Variants in DAB2IP observed in about 807,000 individuals in gnomAD.
DAB2IP encodes DAB2 interacting protein.
Under a neutral mutation model 107.2 loss-of-function variants are expected in DAB2IP, and 28 were observed. The observed-to-expected ratio is 0.26, with a 90% CI of 0.19 to 0.36. The LOEUF is 0.36. Among genes scored for constraint, DAB2IP ranks in the 10% least tolerant of loss-of-function variants. DAB2IP has a pLI of 1.00. For missense variants in DAB2IP, 1,400 were observed against 1,644.7 expected (o/e 0.85, Z 2.57); for synonymous variants, 755 against 706.4 (o/e 1.07, Z -1.09).
intron 3 of DAB2IP, among the ~76,000 whole-genome samples, chr9:121,730,685 GA>G (rs1265430433): frequency 1.3e-5 from 2 of 152,240 alleles, no homozygotes; most frequent in Non-Finnish European, 2.9e-5. Context: ...AAGGCTTAGA[GA>G]AATGAAGTGC....
intron 2 of DAB2IP, among the ~76,000 whole-genome samples, chr9:121,689,708 C>A (rs944689881): frequency 6.6e-6 from 1 of 152,204 alleles, no homozygotes; most frequent in South Asian, 2.1e-4. Flanking sequence ...TGTGGCCCAG[C>A]GCAAACCTGA....
In DAB2IP at chr9:121,662,760, TTG is replaced by T. The variant is rs1833261219; in HGVS notation, c.124+10867_124+10868del. Among the ~76,000 whole-genome samples, 1 of 152,190 alleles carries T rather than the reference TTG, an allele frequency of 6.6e-6. No individual in the cohort carries two copies. Among genetic ancestry groups the T allele is most frequent in the African/African-American group, 2.4e-5 (1 of 41,448 alleles). Reference sequence around the variant, plus strand: ...ATGCTTCCAAGTGTGTCGAATTGCATTGTGTGTTTAAAAATGGATATGGTGAA... The same window carrying T: ...ATGCTTCCAAGTGTGTCGAATTGCATTGTGTTTAAAAATGGATATGGTGAA... On this transcript the variant is annotated intron_variant, in intron 1 of 15. Transcript: ENST00000408936. This position sits in a 1 kb window ranked among gnomAD's most constrained non-coding sequence, Gnocchi z 4.6.
intron 1 of DAB2IP, among the ~76,000 whole-genome samples, chr9:121,607,771 G>A (rs1258377688): frequency 6.6e-6 from 1 of 152,234 alleles, no homozygotes; most frequent in Admixed American, 6.5e-5. Context: ...TAAGAGGGGA[G>A]GGGAGGGAAT....
chr9:121,672,211 G>A (rs756793794), intron 1 of DAB2IP, among the ~76,000 whole-genome samples: 4 of 152,074 alleles, frequency 2.6e-5, no homozygotes, highest in African/African-American at 7.2e-5. Flanking sequence ...GCATTTTCCC[G>A]ATCACTGCCG....
At chr9:121,764,075 T>C (rs926349893) in intron 8 of DAB2IP, among the ~76,000 whole-genome samples, 196 bp downstream of exon 8, 1 of 152,240 alleles carries the variant, frequency 6.6e-6, no homozygotes, top group Admixed American at 6.5e-5. Flanking sequence ...GGAAAGAACC[T>C]GGACACGCCA....
At chr9:121,610,608 T>TA (rs890630057) in intron 1 of DAB2IP, among the ~76,000 whole-genome samples, 3 of 152,034 alleles carry the variant, frequency 2.0e-5, no homozygotes, top group Non-Finnish European at 2.9e-5. Context: ...TGTGGAAGTG[T>TA]AAGTATGGAG....
At chr9:121,645,760 TACCTCGG>T (rs1199853075) in intron 1 of DAB2IP, among the ~76,000 whole-genome samples, 1 of 152,208 alleles carries the variant, frequency 6.6e-6, no homozygotes, top group Non-Finnish European at 1.5e-5. Flanking sequence ...AGGTTCCTTC[TACCTCGG>T]ACATTCCGGG....
intron 3 of DAB2IP, among the ~76,000 whole-genome samples, chr9:121,733,188 T>C (rs1319017023): frequency 6.6e-6 from 1 of 152,232 alleles, no homozygotes; most frequent in Non-Finnish European, 1.5e-5. Flanking sequence ...TCTCTGGCCC[T>C]GTACCTGTTT....
chr9:121,722,453 C>G (rs543025246), intron 3 of DAB2IP, among the ~76,000 whole-genome samples: 4 of 152,286 alleles, frequency 2.6e-5, no homozygotes, highest in East Asian at 1.9e-4. Context: ...TGCCACTCCC[C>G]CCATGATCCA....
At chr9:121,665,701 A>G (rs1332216076) in intron 1 of DAB2IP, among the ~76,000 whole-genome samples, 2 of 152,232 alleles carry the variant, frequency 1.3e-5, no homozygotes, top group Non-Finnish European at 2.9e-5. Context: ...TCTATCGCAT[A>G]TGTCTTTTGA....
intron 5 of DAB2IP, 129 bp from the exon 6 acceptor site, chr9:121,759,756 C>T: frequency 2.6e-6 from 2 of 780,562 alleles, no homozygotes; most frequent in Admixed American, 2.8e-5. Context: ...GACTTAGGGC[C>T]TAGGCGCCCG....
chr9:121,689,538 C>G (rs531280060), intron 2 of DAB2IP, among the ~76,000 whole-genome samples: 3 of 150,686 alleles, frequency 2.0e-5, no homozygotes, highest in Non-Finnish European at 3.0e-5. Flanking sequence ...TTTACTGGTC[C>G]TCAGTCCTGG....
At chr9:121,739,229 C>G (rs1420232778) in intron 3 of DAB2IP, among the ~76,000 whole-genome samples, 1 of 152,202 alleles carries the variant, frequency 6.6e-6, no homozygotes, top group African/African-American at 2.4e-5. Context: ...TTAGAGTGTG[C>G]TGGAGCAAGA....
rs1006390605 is a variant in DAB2IP, at chr9:121,736,539, T to G, written c.363-20474T>G. Among the ~76,000 whole-genome samples the G allele has an allele frequency of 2.6e-4, 1 of 3,902 alleles. No individual in the cohort carries two copies. The allele number at this position is 3,902 out of a possible 152,430, so 2.6% of individuals were successfully genotyped here. ...CTGGGAAGGGCTGGGCCTACTGCTG[T>G]GGGGTGGGGGGCGGGTGGGAGGGCC... On this transcript the variant is annotated intron_variant, in intron 3 of 15. Coordinates refer to ENST00000408936, the Ensembl canonical transcript of DAB2IP. The surrounding 1 kb of genome is among the most constrained non-coding windows in gnomAD (Gnocchi z 4.6).
At chr9:121,672,239 CA>C (rs1833714016) in intron 1 of DAB2IP, among the ~76,000 whole-genome samples, 1 of 151,532 alleles carries the variant, frequency 6.6e-6, no homozygotes, top group African/African-American at 2.4e-5. Flanking sequence ...AGGGACACCC[CA>C]GTCCAGCACC....
Position 121,776,717 on chromosome 9 carries a change from G to A in DAB2IP, c.3314+326G>A, listed in dbSNP as rs1297330594. 1.3e-5 allele frequency among the ~76,000 whole-genome samples: 2 copies of A among 152,180 alleles called. No homozygotes were observed. Among genetic ancestry groups the A allele is most frequent in the Non-Finnish European group, 2.9e-5 (2 of 68,022 alleles). ...GGGCGCTGAGAAGCTGGATTGGGGGGTGCCAGGAAAGACAGGGAGGACCCC... is the reference window on the plus strand; with the variant it reads ...GGGCGCTGAGAAGCTGGATTGGGGGATGCCAGGAAAGACAGGGAGGACCCC... On this transcript the variant is annotated intron_variant, in intron 14 of 15. Transcript: ENST00000408936. The surrounding 1 kb of genome is among the most constrained non-coding windows in gnomAD (Gnocchi z 5.4).
rs1834835252 is a variant in DAB2IP at position 121,772,512 on chromosome 9, C to G, written c.2079-95C>G. On this transcript the variant is annotated intron_variant, in intron 11 of 15. Transcript: ENST00000408936. This position sits in a 1 kb window ranked among gnomAD's most constrained non-coding sequence, Gnocchi z 4.7. ...GCTGGCTCAGGCTGCCAGGCCCCGG[C>G]AGGTTGGCGGGTGCTGTCGGTTTGG... 2 of 1,386,302 alleles carry G rather than the reference C, an allele frequency of 1.4e-6. No individual in the cohort carries two copies. The highest frequency in any genetic ancestry group is 2.0e-6 in the Non-Finnish European group (2 of 1,008,430). The allele number at this position is 1,386,302 out of a possible 1,614,324, so 85.9% of individuals were successfully genotyped here.
chr9:121,721,482 G>A (rs1419493210), intron 3 of DAB2IP, among the ~76,000 whole-genome samples: 1 of 152,254 alleles, frequency 6.6e-6, no homozygotes, highest in East Asian at 1.9e-4. Flanking sequence ...TGTCCTGCCT[G>A]TTGTGACAGT....
At chr9:121,675,236 G>A (rs1346141909) in intron 1 of DAB2IP, among the ~76,000 whole-genome samples, 1 of 152,178 alleles carries the variant, frequency 6.6e-6, no homozygotes, top group African/African-American at 2.4e-5. Context: ...AAGGATGACA[G>A]TTCCCGCAGG....
Sources: allele counts gnomAD v4.1 joint callset (sites outside exome capture counted in the v4.1 genomes callset), GRCh38; gene constraint gnomAD v4.1.1; non-coding constraint Gnocchi (gnomAD v3.1); transcripts MANE v1.5; gene names NCBI Gene and HGNC (gene_info 2026-07-23, HGNC 2026-07-21).